Variants in PCSK2 observed in about 807,000 individuals in gnomAD.
PCSK2 encodes the protein proprotein convertase subtilisin/kexin type 2.
PCSK2 carries 14 observed loss-of-function variants against 69.7 expected under a neutral mutation model. The ratio of observed to expected loss-of-function variants is 0.20; its 90% CI spans 0.13 to 0.31. The LOEUF (loss-of-function observed/expected upper bound fraction) is 0.31. PCSK2 is among the 10% of genes least tolerant of loss of function. The pLI is 1.00. For missense variants in PCSK2, 544 were observed against 842.5 expected (o/e 0.65, Z 4.39); for synonymous variants, 307 against 320.7 (o/e 0.96, Z 0.46).
At chr20:17,418,077 T>A (rs2032042377) in intron 6 of PCSK2, among the ~76,000 whole-genome samples, 1 of 152,186 alleles carries the variant, frequency 6.6e-6, no homozygotes, top group Non-Finnish European at 1.5e-5. Context: ...GTTACTACAA[T>A]GCAAAAATGT....
intron 6 of PCSK2, among the ~76,000 whole-genome samples, chr20:17,411,636 CT>C (rs1393790110): frequency 1.3e-5 from 2 of 152,244 alleles, no homozygotes; most frequent in African/African-American, 4.8e-5. Context: ...TTAAACGCCC[CT>C]GTCTGACAGA....
chr20:17,321,836 G>A (rs1456153453), intron 2 of PCSK2, among the ~76,000 whole-genome samples: 1 of 152,118 alleles, frequency 6.6e-6, no homozygotes, highest in Non-Finnish European at 1.5e-5. Flanking sequence ...CTTGTATCAG[G>A]CATAGATTTA....
intron 2 of PCSK2, among the ~76,000 whole-genome samples, chr20:17,294,283 T>C (rs1487247940): frequency 6.6e-6 from 1 of 151,240 alleles, no homozygotes; most frequent in African/African-American, 2.4e-5. Context: ...TTTTTTTGTA[T>C]TTTTAGTAGA....
intron 6 of PCSK2, among the ~76,000 whole-genome samples, chr20:17,415,801 A>G (rs1370856296): frequency 6.6e-6 from 1 of 152,216 alleles, no homozygotes; most frequent in Non-Finnish European, 1.5e-5. Context: ...GGCTACAGTA[A>G]CCAAAACAGC....
chr20:17,275,709 G>A (rs1039516500), intron 2 of PCSK2, among the ~76,000 whole-genome samples: 4 of 152,208 alleles, frequency 2.6e-5, no homozygotes, highest in Admixed American at 6.5e-5. Flanking sequence ...GAAGTATAAG[G>A]AAACGTGCAG....
At chr20:17,230,569 G>A (rs6131924) in intron 1 of PCSK2, among the ~76,000 whole-genome samples, 9,941 of 152,178 alleles carry the variant, frequency 0.065, 476 homozygotes, top group South Asian at 0.25. Context: ...CACAATTTTA[G>A]AGCTCTGCTA....
chr20:17,237,328 A>G (rs1159355024), intron 1 of PCSK2, among the ~76,000 whole-genome samples: 3 of 152,228 alleles, frequency 2.0e-5, no homozygotes, highest in African/African-American at 4.8e-5. Context: ...TAACATGCAC[A>G]AGGATTTGTT....
chr20:17,409,033 T>G (rs1265904524), intron 5 of PCSK2, among the ~76,000 whole-genome samples: 3 of 152,182 alleles, frequency 2.0e-5, no homozygotes, highest in African/African-American at 4.8e-5. Flanking sequence ...GCTAACCCCT[T>G]GAAGGCTTGA....
chr20:17,314,600 G>A (rs372303789), intron 2 of PCSK2, among the ~76,000 whole-genome samples: 1 of 152,202 alleles, frequency 6.6e-6, no homozygotes, highest in East Asian at 1.9e-4. Flanking sequence ...TAGCTTGTCT[G>A]TGAAATTGGG....
chr20:17,276,793 T>G (rs1203694956), intron 2 of PCSK2, among the ~76,000 whole-genome samples: 5 of 152,150 alleles, frequency 3.3e-5, no homozygotes, highest in African/African-American at 1.2e-4. Flanking sequence ...TGTTTGCAGA[T>G]GACATGATTG....
chr20:17,466,995 C>T lies in PCSK2; in HGVS notation c.1430+1442C>T, dbSNP rs549283340. Among the ~76,000 whole-genome samples, 5 of 152,338 alleles carry T rather than the reference C, an allele frequency of 3.3e-5. No homozygotes were observed. The South Asian group carries it at 1.0e-3, about 32-fold the overall frequency. On this transcript the variant is annotated intron_variant, in intron 11 of 11. Transcript: ENST00000262545. ...CTCATTCTACCTTGAGAATACACCT[C>T]CGTGGCTTACATCATTTAAATGGTG...
At chr20:17,251,389 G>A (rs1026043850) in intron 1 of PCSK2, among the ~76,000 whole-genome samples, 2 of 152,184 alleles carry the variant, frequency 1.3e-5, no homozygotes, top group African/African-American at 2.4e-5. Flanking sequence ...ATGGCTTTTA[G>A]TGAACAGGAA....
chr20:17,366,113 G>T (rs183586354), intron 4 of PCSK2, among the ~76,000 whole-genome samples: 5 of 152,258 alleles, frequency 3.3e-5, no homozygotes, highest in African/African-American at 4.8e-5. Flanking sequence ...CTAGGGTTAG[G>T]GTTAGGGTTA....
At chr20:17,365,361 A>G (rs2030554467) in intron 4 of PCSK2, among the ~76,000 whole-genome samples, 1 of 152,172 alleles carries the variant, frequency 6.6e-6, no homozygotes, top group Non-Finnish European at 1.5e-5. Flanking sequence ...CCACTTCAAA[A>G]TACTATTGCA....
intron 5 of PCSK2, among the ~76,000 whole-genome samples, chr20:17,384,736 C>G (rs1225990518): frequency 6.6e-6 from 1 of 152,044 alleles, no homozygotes; most frequent in Non-Finnish European, 1.5e-5. Context: ...GGTTTGAGAC[C>G]AGCCTGAGTA....
chr20:17,385,854 G>A (rs1012033724), intron 5 of PCSK2, among the ~76,000 whole-genome samples: 5 of 152,186 alleles, frequency 3.3e-5, no homozygotes, highest in Non-Finnish European at 7.3e-5. Flanking sequence ...ACACATGAAG[G>A]AGAAAGAGTA....
chr20:17,350,068 A>G (rs1035403912), intron 2 of PCSK2, among the ~76,000 whole-genome samples: 2 of 150,878 alleles, frequency 1.3e-5, no homozygotes, highest in African/African-American at 4.9e-5. Context: ...TTCACATGGC[A>G]TTCTCCTTGT....
At chr20:17,303,590 T>A (rs1320085766) in intron 2 of PCSK2, among the ~76,000 whole-genome samples, 5 of 125,366 alleles carry the variant, frequency 4.0e-5, no homozygotes, top group Non-Finnish European at 8.1e-5. Flanking sequence ...ATATACTTTT[T>A]TTTTGAGATG....
intron 2 of PCSK2, among the ~76,000 whole-genome samples, chr20:17,269,774 A>G (rs1324256831): frequency 6.6e-6 from 1 of 152,166 alleles, no homozygotes; most frequent in East Asian, 1.9e-4. Context: ...TCTGTTTGAC[A>G]TGTCAAGGGA....
Sources: gnomAD v4.1 joint callset for allele counts (sites outside exome capture counted in the v4.1 genomes callset) on GRCh38, gnomAD v4.1.1 for gene constraint, MANE v1.5 for transcripts, NCBI Gene and HGNC (gene_info 2026-07-23, HGNC 2026-07-21) for gene names.